The following URAD variants were observed in gnomAD, a reference collection of about 807,000 sequenced individuals.
URAD encodes the protein ureidoimidazoline (2-oxo-4-hydroxy-4-carboxy-5-) decarboxylase, also known as putative 2-oxo-4-hydroxy-4-carboxy-5-ureidoimidazoline decarboxylase.
Under a neutral mutation model 4.6 loss-of-function variants are expected in URAD, and 4 were observed. The ratio of observed to expected loss-of-function variants is 0.87; its 90% CI spans 0.43 to 1.98. The LOEUF is 1.98. URAD is among the 30% of genes most tolerant of loss of function. URAD has a pLI of 0.03. For synonymous variants in URAD, 144 were observed against 118.2 expected (o/e 1.22, Z -1.41); for missense variants, 300 against 255.3 (o/e 1.18, Z -1.19).
chr13:27,985,880 T>C (rs547634524), intron 1 of URAD, among the ~76,000 whole-genome samples: 2 of 152,318 alleles, frequency 1.3e-5, no homozygotes, highest in South Asian at 4.2e-4. Context: ...AGTTAGCAAG[T>C]GCAAAGTTTT....
At chr13:27,984,713 TCACAC>T (rs1205147443) in intron 1 of URAD, among the ~76,000 whole-genome samples, 1 of 152,208 alleles carries the variant, frequency 6.6e-6, no homozygotes, top group Non-Finnish European at 1.5e-5. Flanking sequence ...GCGCGGTGGC[TCACAC>T]CAGTAATCCC....
At chr13:27,979,695 C>T (rs1200442087) in intron 1 of URAD, among the ~76,000 whole-genome samples, 1 of 152,074 alleles carries the variant, frequency 6.6e-6, no homozygotes, top group Admixed American at 6.6e-5. Context: ...AAGGCGCGCA[C>T]GTAAAACACC....
intron 1 of URAD, among the ~76,000 whole-genome samples, chr13:27,984,816 A>T (rs766153248): frequency 6.6e-6 from 1 of 151,720 alleles, no homozygotes; most frequent in Non-Finnish European, 1.5e-5. Context: ...GTCTCTAGTT[A>T]AAAAATACAA....
intron 1 of URAD, 88 bp from the exon 2 acceptor site, chr13:27,978,540 G>GC (rs906463666): frequency 2.0e-6 from 2 of 996,430 alleles, no homozygotes; most frequent in African/African-American, 1.7e-5. Flanking sequence ...GCCGCGCCCG[G>GC]CCCCCCTGCC....
chr13:27,978,792 T>C (rs994840651), intron 1 of URAD, among the ~76,000 whole-genome samples: 1 of 151,928 alleles, frequency 6.6e-6, no homozygotes, highest in African/African-American at 2.4e-5. Flanking sequence ...GGGCGGCCGC[T>C]GAGGCTCGGA....
chr13:27,988,366 A>T, intron 1 of URAD, 97 bp downstream of exon 1: 1 of 1,258,998 alleles, frequency 7.9e-7, no homozygotes, highest in Non-Finnish European at 1.1e-6. Flanking sequence ...TGCTGGGATT[A>T]CAGGTGTGAG....
chr13:27,980,977 G>A (rs545272351), intron 1 of URAD, among the ~76,000 whole-genome samples: 1 of 151,862 alleles, frequency 6.6e-6, no homozygotes, highest in South Asian at 2.1e-4. Flanking sequence ...CTAAAAAGGA[G>A]AAACTAGAAT....
chr13:27,980,723 C>G (rs7986640), intron 1 of URAD, among the ~76,000 whole-genome samples: 109,510 of 152,090 alleles, frequency 0.72, 41,202 homozygotes, highest in South Asian at 0.89. Flanking sequence ...CCAGGCTCCC[C>G]GCGCAGGCCG....
intron 1 of URAD, among the ~76,000 whole-genome samples, chr13:27,980,146 C>A (rs1279912102): frequency 6.6e-6 from 1 of 152,132 alleles, no homozygotes; most frequent in Non-Finnish European, 1.5e-5. Flanking sequence ...TCACTGCAAC[C>A]TCTGCCTCCT....
rs1327417076 is a variant in URAD, at chr13:27,988,486, A to T, written c.152T>A (p.Phe51Tyr). The change falls in exon 1 of 2, where the codon TTT becomes TAT. Residue 51 changes from phenylalanine (F) to tyrosine (Y), a missense_variant. Transcript: ENST00000332715. ...LEDLEKHFFA[F>Y]IDALAQSGQE... is the part of the protein sequence containing the mutation. ...ACCTGACTGTGCAAGGGCATCAATAAAGGCAAAAAAGTGCTTCTCTAAATC... is the reference window on the plus strand; with the variant it reads ...ACCTGACTGTGCAAGGGCATCAATATAGGCAAAAAAGTGCTTCTCTAAATC... 6.2e-7 allele frequency: 1 copy of T among 1,612,574 alleles called. No homozygotes were observed. The highest frequency in any genetic ancestry group is 1.3e-5 in the African/African-American group (1 of 74,994).
intron 1 of URAD, among the ~76,000 whole-genome samples, chr13:27,983,531 G>A (rs757755114): frequency 2.6e-5 from 4 of 151,918 alleles, no homozygotes; most frequent in African/African-American, 4.8e-5. Context: ...GCCCAGCCAG[G>A]TTCCTTTTCT....
chr13:27,986,219 C>T lies in URAD; in HGVS notation c.175+2244G>A, dbSNP rs565794432. Among the ~76,000 whole-genome samples the T allele has an allele frequency of 1.2e-3, 182 of 152,294 alleles. 6 individuals carry two copies. In the South Asian group the frequency reaches 0.036, roughly 31 times the overall value. On this transcript the variant is annotated intron_variant, in intron 1 of 1. Coordinates refer to ENST00000332715, the MANE Select transcript of URAD (RefSeq NM_001105577.2). ...AAAATGTGTGGGGAAGGGGGTAATG[C>T]CAGAATTCCCACTTTTCAGTATCAC...
intron 1 of URAD, among the ~76,000 whole-genome samples, chr13:27,980,070 G>C (rs912525783): frequency 6.6e-6 from 1 of 152,204 alleles, no homozygotes; most frequent in South Asian, 2.1e-4. Flanking sequence ...ACTGTTTTTT[G>C]TTTTTTGTGT....
chr13:27,980,321 C>T (rs1398831726), intron 1 of URAD, among the ~76,000 whole-genome samples: 1 of 147,852 alleles, frequency 6.8e-6, no homozygotes, highest in African/African-American at 2.7e-5. Context: ...CGTCCAGCTC[C>T]GTCAGGGTAG....
intron 1 of URAD, among the ~76,000 whole-genome samples, chr13:27,980,299 T>C (rs1453160619): frequency 2.0e-5 from 3 of 152,068 alleles, no homozygotes; most frequent in East Asian, 1.9e-4. Context: ...AACGGGTCTT[T>C]CCCGCTTCCC....
chr13:27,978,218 C>T lies in URAD; in HGVS notation c.410G>A (p.Arg137His). The T allele has an allele frequency of 3.4e-6, 5 of 1,470,436 alleles. No individual in the cohort carries two copies. The highest frequency in any genetic ancestry group is 4.5e-6 in the Non-Finnish European group (5 of 1,121,276). 91.1% of individuals were successfully genotyped at this position (1,470,436 alleles called of 1,614,324 possible). ...DRTAVPRELA[R>H]RLLCPSAQEL... ...CTGCGCGGACGGGCAGAGCAGCCGG[C>T]GCGCCAGCTCGCGCGGCACCGCCGT... The change falls in exon 2 of 2, where the codon CGC becomes CAC. Residue 137 changes from arginine to histidine, a missense_variant. Transcript: ENST00000332715.
chr13:27,981,780 G>T (rs1869884226), intron 1 of URAD, among the ~76,000 whole-genome samples: 1 of 152,170 alleles, frequency 6.6e-6, no homozygotes, highest in Non-Finnish European at 1.5e-5. Flanking sequence ...CTTTGCTTCT[G>T]CAATTTCAAA....
rs1869757311 is a variant in URAD, at chr13:27,978,000, G to C, written c.*106C>G. On this transcript the variant is annotated 3_prime_UTR_variant, in exon 2 of 2. Coordinates refer to ENST00000332715, the MANE Select transcript of URAD (RefSeq NM_001105577.2). The stretch of plus-strand genomic sequence containing the variant: ...TCCACTTCCTTTGTGCACGTGTGTG[G>C]ACGCTGTTCCAGGCCCGAGTCCGCC... 5.4e-6 allele frequency: 5 copies of C among 926,350 alleles called. No homozygotes were observed. Among genetic ancestry groups the C allele is most frequent in the Non-Finnish European group, 7.5e-6 (5 of 670,612 alleles). The allele number at this position is 926,350 out of a possible 1,614,324, so 57.4% of individuals were successfully genotyped here.
intron 1 of URAD, among the ~76,000 whole-genome samples, chr13:27,980,534 G>A (rs879791636): frequency 1.3e-5 from 2 of 152,210 alleles, no homozygotes; most frequent in Non-Finnish European, 2.9e-5. Flanking sequence ...TGGGCGGCTG[G>A]ACCTTCCGCG....
Sources: allele counts gnomAD v4.1 joint callset (sites outside exome capture counted in the v4.1 genomes callset), GRCh38; gene constraint gnomAD v4.1.1; transcripts MANE v1.5; gene names NCBI Gene and HGNC (gene_info 2026-07-23, HGNC 2026-07-21).